TRIM6: variants seen among roughly 807,000 people sequenced by gnomAD.
TRIM6 encodes the protein tripartite motif-containing protein 6.
TRIM6 carries 43 observed loss-of-function variants against 51.2 expected under a neutral mutation model. The ratio of observed to expected loss-of-function variants is 0.84; its 90% CI spans 0.66 to 1.08. The LOEUF (loss-of-function observed/expected upper bound fraction) is 1.08. Ranked by LOEUF, TRIM6 falls within the 50% of genes least tolerant of loss-of-function variation. TRIM6 has a pLI of 0.00. For synonymous variants in TRIM6, 215 were observed against 232.4 expected, an observed-to-expected ratio of 0.93 and a Z score of 0.68; for missense variants, 669 against 619.0, an observed-to-expected ratio of 1.08 and a Z score of -0.86.
chr11:5,606,353 G>A (rs1848208225), intron 4 of TRIM6, among the ~76,000 whole-genome samples: 2 of 152,296 alleles, frequency 1.3e-5, no homozygotes, highest in African/African-American at 4.8e-5. Flanking sequence ...AACTGAGGTT[G>A]AAATTCTAGC....
intron 4 of TRIM6, among the ~76,000 whole-genome samples, chr11:5,606,663 C>T (rs943363224): frequency 4.6e-5 from 7 of 152,112 alleles, no homozygotes; most frequent in Non-Finnish European, 7.3e-5. Flanking sequence ...TATTATTACC[C>T]TGATACTTTC....
chr11:5,605,685 C>T (rs1485264703), intron 4 of TRIM6, 118 bp downstream of exon 4: 18 of 1,229,290 alleles, frequency 1.5e-5, no homozygotes, highest in African/African-American at 1.4e-4. Flanking sequence ...ATTCCTTTGG[C>T]GCTATAGTGC....
chr11:5,602,873 G>C (rs1484736531), intron 1 of TRIM6, among the ~76,000 whole-genome samples: 2 of 152,100 alleles, frequency 1.3e-5, no homozygotes, highest in African/African-American at 4.8e-5. Flanking sequence ...AGAATTGCTT[G>C]AACCTGGGAG....
rs549862285 is a variant in TRIM6, at chr11:5,596,837, G to A, written c.-61G>A. On this transcript the variant is annotated 5_prime_UTR_variant, in exon 1 of 8. Transcript: ENST00000380097. ...AGTTTAAGGTGCCTTGGATTGCTCT[G>A]AAGAGCTTTGACCACCTGATATTGC... The A allele has an allele frequency of 1.7e-5, 28 of 1,613,452 alleles. No individual in the cohort carries two copies. In the African/African-American group the frequency reaches 3.7e-4, roughly 22 times the overall value.
intron 1 of TRIM6, among the ~76,000 whole-genome samples, chr11:5,601,234 C>T (rs1310184635): frequency 1.3e-5 from 2 of 152,140 alleles, no homozygotes; most frequent in Admixed American, 6.5e-5. Context: ...TGTCTTTGGT[C>T]AAAGTTATGA....
Position 5,611,035 on chromosome 11 carries a change from A to C in TRIM6, c.1244A>C (p.Gln415Pro). ...GPTFSFNHFAQNHSAYSRYQP... is the reference protein window; with the variant it reads ...GPTFSFNHFAPNHSAYSRYQP... ...ACATTCTCTTTCAACCATTTTGCTC[A>C]AAATCACAGTGCTTACTCCAGGTAT... Residue 415 changes from glutamine to proline, a missense_variant, in exon 8 of 8, where the codon CAA (glutamine) becomes CCA (proline). Gln to Pro is a moderately conservative substitution (Grantham distance 76). Transcript: ENST00000380097. 6.2e-7 allele frequency: 1 copy of C among 1,614,206 alleles called. No individual in the cohort carries two copies. Among genetic ancestry groups the C allele is most frequent in the South Asian group, 1.1e-5 (1 of 91,082 alleles).
intron 5 of TRIM6, among the ~76,000 whole-genome samples, chr11:5,609,084 C>G (rs191666821): frequency 2.6e-5 from 4 of 152,110 alleles, no homozygotes; most frequent in African/African-American, 9.6e-5. Context: ...CCAGTAAAAA[C>G]GTAAACCCGA....
At chr11:5,602,940 T>C (rs1847958116) in intron 1 of TRIM6, among the ~76,000 whole-genome samples, 1 of 151,840 alleles carries the variant, frequency 6.6e-6, no homozygotes, top group Non-Finnish European at 1.5e-5. Context: ...GGTGACAGAG[T>C]GAGTCTCCAT....
At chr11:5,610,698 C>T (rs1848522375) in intron 7 of TRIM6, 79 bp from the exon 8 acceptor site, 4 of 1,574,948 alleles carry the variant, frequency 2.5e-6, no homozygotes, top group Non-Finnish European at 3.5e-6. Context: ...CCTCCAACCA[C>T]TTCCTGTGTT....
chr11:5,603,792 C>A, intron 2 of TRIM6, 57 bp downstream of exon 2: 2 of 1,585,948 alleles, frequency 1.3e-6, no homozygotes, highest in Non-Finnish European at 8.6e-7. Context: ...CAGGTTTTAA[C>A]GTTTTATCAT....
intron 1 of TRIM6, among the ~76,000 whole-genome samples, chr11:5,597,900 C>T (rs1173645818): frequency 6.7e-6 from 1 of 148,982 alleles, no homozygotes; most frequent in Non-Finnish European, 1.5e-5. Context: ...CCTTAATGTG[C>T]GTAAGAATCA....
chr11:5,608,160 C>G (rs897154277), intron 4 of TRIM6, among the ~76,000 whole-genome samples: 1 of 152,170 alleles, frequency 6.6e-6, no homozygotes, highest in African/African-American at 2.4e-5. Context: ...TTGTGAAAAT[C>G]AAGACACTGA....
intron 2 of TRIM6, among the ~76,000 whole-genome samples, chr11:5,604,026 C>T (rs558729537): frequency 1.6e-4 from 24 of 152,090 alleles, no homozygotes; most frequent in African/African-American, 5.5e-4. Context: ...GAAGGCGTCT[C>T]GCTCTGTCGC....
At chr11:5,599,261 C>G (rs1489976741) in intron 1 of TRIM6, among the ~76,000 whole-genome samples, 1 of 152,090 alleles carries the variant, frequency 6.6e-6, no homozygotes, top group African/African-American at 2.4e-5. Context: ...CAGTAGTTCT[C>G]CTTCAAGAGA....
intron 1 of TRIM6, among the ~76,000 whole-genome samples, chr11:5,601,377 A>C (rs996982130): frequency 1.3e-5 from 2 of 152,226 alleles, no homozygotes; most frequent in African/African-American, 4.8e-5. Context: ...ACTCTTATTT[A>C]TGCAGAGTTG....
At chr11:5,606,909 A>T (rs181598820) in intron 4 of TRIM6, among the ~76,000 whole-genome samples, 34 of 152,236 alleles carry the variant, frequency 2.2e-4, no homozygotes, top group African/African-American at 7.0e-4. Context: ...GCCCATTAAG[A>T]TTTTATAGCC....
At chr11:5,596,977 G>GA (rs1847505908) in intron 1 of TRIM6, 63 bp downstream of exon 1, 8 of 1,613,262 alleles carry the variant, frequency 5.0e-6, no homozygotes, top group Non-Finnish European at 6.8e-6. Context: ...ACAGGGCAGT[G>GA]AAAGAGATAA....
At chr11:5,596,988 G>C (rs772077496) in intron 1 of TRIM6, 74 bp downstream of exon 1, 127 of 1,606,888 alleles carry the variant, frequency 7.9e-5, no homozygotes, top group Non-Finnish European at 1.1e-4. Context: ...AAAGAGATAA[G>C]GTCCTTTCCC....
intron 1 of TRIM6, among the ~76,000 whole-genome samples, chr11:5,599,778 G>A (rs940773188): frequency 1.3e-5 from 2 of 152,140 alleles, no homozygotes; most frequent in Non-Finnish European, 2.9e-5. Context: ...CAACATCAAG[G>A]CCAACTATAA....
Sources: gnomAD v4.1 joint callset for allele counts (sites outside exome capture counted in the v4.1 genomes callset) on GRCh38, gnomAD v4.1.1 for gene constraint, MANE v1.5 for transcripts, NCBI Gene and HGNC (gene_info 2026-07-23, HGNC 2026-07-21) for gene names.